The following NBPF15 variants were observed in gnomAD, a reference collection of about 807,000 sequenced individuals.
The protein encoded by NBPF15 is NBPF member 15.
In NBPF15, 74 loss-of-function variants were observed where a neutral mutation model predicts 62.2. That is an observed-to-expected ratio of 1.19 (90% confidence interval 0.99 to 1.44). NBPF15 has a LOEUF of 1.44. Ranked by LOEUF, NBPF15 falls within the 40% of genes most tolerant of loss-of-function variation. The pLI, the probability that NBPF15 is intolerant of heterozygous loss-of-function variation, is 0.00. For synonymous variants in NBPF15, 244 were observed against 209.7 expected (o/e 1.16, Z -1.41); for missense variants, 790 against 550.0 (o/e 1.44, Z -4.36).
At position 144,423,137 on chromosome 1, in the gene NBPF15, C is replaced by G. The variant is rs587731746; in HGVS notation, c.1889G>C (p.Ser630Thr). The G allele has an allele frequency of 2.5e-6, 4 of 1,611,598 alleles. No homozygotes were observed. The Admixed American group carries it at 5.0e-5, about 20-fold the overall frequency. The part of the protein sequence containing the change: ...EQPDSFQHYR[S>T]VFYSFEEEHI... ...CTCTTCCTCAAATGAGTAAAACACA[C>G]TTCTGTAGTGCTGGAATGAGTCAGG... is the stretch of plus-strand genomic sequence containing the variant. The change falls in exon 22 of 22, where the codon AGT becomes ACT. Residue 630 changes from serine (S) to threonine (T), a missense_variant. Transcript: ENST00000581897.
intron 13 of NBPF15, among the ~76,000 whole-genome samples, chr1:144,431,475 G>T (rs1553540208): frequency 1.4e-5 from 2 of 147,774 alleles, no homozygotes; most frequent in Admixed American, 1.3e-4. Flanking sequence ...TTGTGTGTAT[G>T]TATATATATA....
At chr1:144,428,128 C>T (rs1485389275) in intron 15 of NBPF15, 138 bp from the exon 16 acceptor site, 7 of 669,350 alleles carry the variant, frequency 1.0e-5, no homozygotes, top group African/African-American at 9.2e-5. Flanking sequence ...CAAATTATTG[C>T]CTTTATGTTG....
At chr1:144,435,453 G>C in intron 11 of NBPF15, 137 bp from the exon 12 acceptor site, 1 of 1,392,640 alleles carries the variant, frequency 7.2e-7, no homozygotes. Flanking sequence ...CATTAAGAGG[G>C]AACATGCAAT....
At chr1:144,425,117 CAG>C (rs1339682239) in intron 19 of NBPF15, among the ~76,000 whole-genome samples, 30 of 145,116 alleles carry the variant, frequency 2.1e-4, no homozygotes, top group African/African-American at 5.9e-4. Flanking sequence ...CACACACACA[CAG>C]AGAGAGAGAA....
intron 6 of NBPF15, among the ~76,000 whole-genome samples, chr1:144,443,321 A>G (rs1473373495): frequency 1.3e-5 from 2 of 152,050 alleles, no homozygotes; most frequent in African/African-American, 4.8e-5. Context: ...ATATTTATGA[A>G]TACTTACACC....
Position 144,427,885 on chromosome 1 carries a change from G to C in NBPF15, c.1146C>G (p.Cys382Trp). The change falls in exon 16 of 22, where the codon TGC (cysteine) becomes TGG (tryptophan). Residue 382 changes from cysteine (C) to tryptophan (W), a missense_variant. Transcript: ENST00000581897. ...CGTAAAAGGCACTTCTGTAGGGCTG[G>C]CATGAGTCAGTCAGTTCAAGACAAC... Reference protein sequence around the residue: ...PSGCLELTDSCQPYRSAFYVL... With the variant: ...PSGCLELTDSWQPYRSAFYVL... 4 of 640,936 alleles carry C rather than the reference G, an allele frequency of 6.2e-6. No homozygotes were observed. The highest frequency in any genetic ancestry group is 1.1e-5 in the Non-Finnish European group (4 of 356,812). 39.7% of individuals were successfully genotyped at this position (640,936 alleles called of 1,614,324 possible). A position where few individuals can be genotyped will look rare whatever the true frequency, so the allele number is the denominator to read the frequency against.
chr1:144,428,308 C>A (rs1215483704), intron 15 of NBPF15, among the ~76,000 whole-genome samples: 1 of 151,780 alleles, frequency 6.6e-6, no homozygotes, highest in Non-Finnish European at 1.5e-5. Flanking sequence ...GAACAGTGAT[C>A]ATGAAAAGCA....
chr1:144,428,310 T>C (rs1202345622), intron 15 of NBPF15, among the ~76,000 whole-genome samples: 1 of 151,836 alleles, frequency 6.6e-6, no homozygotes, highest in Non-Finnish European at 1.5e-5. Flanking sequence ...ACAGTGATCA[T>C]GAAAAGCATG....
intron 3 of NBPF15, among the ~76,000 whole-genome samples, chr1:144,458,274 G>A (rs587728253): frequency 1.1e-3 from 165 of 152,088 alleles, no homozygotes; most frequent in Non-Finnish European, 3.2e-4. Context: ...TTGACAGGAA[G>A]ATTGTAAAAA....
chr1:144,424,122 G>C (rs1214311417), intron 20 of NBPF15, 147 bp from the exon 21 acceptor site: 5 of 730,302 alleles, frequency 6.8e-6, no homozygotes, highest in African/African-American at 3.5e-5. Flanking sequence ...AGGTCTGAAG[G>C]CTGGTCATGA....
intron 15 of NBPF15, among the ~76,000 whole-genome samples, chr1:144,428,206 C>T (rs1448102776): frequency 6.6e-6 from 1 of 151,374 alleles, no homozygotes; most frequent in Non-Finnish European, 1.5e-5. Flanking sequence ...CACACACACA[C>T]ACACACAGAG....
rs1666056990 is a variant in NBPF15 at position 144,421,543 on chromosome 1, A to AAAATT, written c.*1465_*1469dup. ...TATAGATTAAAATTAACTTTGGACAAAAATTAAAACTCAGGCAGAGAATGT... is the reference window on the plus strand; with the variant it reads ...TATAGATTAAAATTAACTTTGGACAAAAATTAAATTAAAACTCAGGCAGAGAATGT... On this transcript the variant is annotated 3_prime_UTR_variant, in exon 22 of 22. Transcript: ENST00000581897. 1 of 151,696 alleles carries AAAATT rather than the reference A, an allele frequency of 6.6e-6. No homozygotes were observed. The highest frequency in any genetic ancestry group is 1.5e-5 in the Non-Finnish European group (1 of 67,794). 9.4% of individuals were successfully genotyped at this position (151,696 alleles called of 1,614,324 possible). A position where few individuals can be genotyped will look rare whatever the true frequency, so the allele number is the denominator to read the frequency against.
intron 6 of NBPF15, among the ~76,000 whole-genome samples, chr1:144,442,035 A>T (rs1683255571): frequency 6.9e-6 from 1 of 145,830 alleles, no homozygotes; most frequent in Admixed American, 7.0e-5. Context: ...GGGGAGGGAT[A>T]GCATTAGGAT....
At position 144,440,236 on chromosome 1, in the gene NBPF15, T is replaced by C. The variant is rs1571137978; in HGVS notation, c.-131A>G. ...CCTCAACTCAGAGCTGAAAGCACTG[T>C]CAGTAGCGCAGACTCTGATAAGAGT... On this transcript the variant is annotated 5_prime_UTR_variant, in exon 7 of 22. The change abolishes the stop of an existing upstream ORF in the 5' untranslated region. Coordinates refer to ENST00000581897, the MANE Select transcript of NBPF15 (RefSeq NM_001385408.1). The C allele has an allele frequency of 5.3e-6, 8 of 1,520,718 alleles. No homozygotes were observed. The highest frequency in any genetic ancestry group is 2.7e-5 in the African/African-American group (2 of 72,802). The allele number at this position is 1,520,718 out of a possible 1,614,324, so 94.2% of individuals were successfully genotyped here.
At position 144,427,970 on chromosome 1, in the gene NBPF15, T is replaced by G. The variant is rs200542564; in HGVS notation, c.1061A>C (p.Asp354Ala). Residue 354 changes from aspartate to alanine, a missense_variant, in exon 16 of 22, where the codon GAT becomes GCT. By Grantham distance (126) the Asp-to-Ala change is moderately radical (BLOSUM62 -2). Coordinates refer to ENST00000581897, the MANE Select transcript of NBPF15 (RefSeq NM_001385408.1). Reference sequence around the variant, plus strand: ...CTGCAAGACTTCAGGCTCTTTCTCATCCAGCAGCTCCCTGCTGAGCCTGGA... The same window carrying G: ...CTGCAAGACTTCAGGCTCTTTCTCAGCCAGCAGCTCCCTGCTGAGCCTGGA... ...TGPRLSRELL[D>A]EKEPEVLQDS... The G allele has an allele frequency of 2.6e-5, 20 of 775,602 alleles. 1 individual carries two copies. The highest frequency in any genetic ancestry group is 1.4e-4 in the Admixed American group (8 of 56,852). 48.0% of individuals were successfully genotyped at this position (775,602 alleles called of 1,614,324 possible). A position where few individuals can be genotyped will look rare whatever the true frequency, so the allele number is the denominator to read the frequency against.
At chr1:144,449,577 A>G (rs1407851645) in intron 5 of NBPF15, among the ~76,000 whole-genome samples, 1 of 152,002 alleles carries the variant, frequency 6.6e-6, no homozygotes, top group African/African-American at 2.4e-5. Flanking sequence ...AGCCATACGC[A>G]AAAGAGTGTG....
At chr1:144,428,470 A>C (rs1386428857) in intron 15 of NBPF15, 136 bp downstream of exon 15, 6 of 892,818 alleles carry the variant, frequency 6.7e-6, no homozygotes, top group South Asian at 1.3e-5. Context: ...ATGAGAACCA[A>C]AAAGCAATGT....
chr1:144,454,945 G>A (rs587727819), intron 4 of NBPF15, among the ~76,000 whole-genome samples: 1 of 151,486 alleles, frequency 6.6e-6, no homozygotes, highest in Non-Finnish European at 1.5e-5. Context: ...AGCTCCAGAG[G>A]TTTTGGTAAG....
At chr1:144,426,861 G>A (rs1553539368) in intron 17 of NBPF15, among the ~76,000 whole-genome samples, 186 bp downstream of exon 17, 1 of 148,162 alleles carries the variant, frequency 6.7e-6, no homozygotes, top group African/African-American at 2.5e-5. Flanking sequence ...TAGTAAGTTA[G>A]TAAATGATAA....
Sources: gnomAD v4.1 joint callset for allele counts (sites outside exome capture counted in the v4.1 genomes callset) on GRCh38, gnomAD v4.1.1 for gene constraint, MANE v1.5 for transcripts, NCBI Gene and HGNC (gene_info 2026-07-23, HGNC 2026-07-21) for gene names.